ITPR2: variants seen among roughly 807,000 people sequenced by gnomAD.
ITPR2 encodes the protein inositol 1,4,5-trisphosphate receptor type 2.
ITPR2 carries 207 observed loss-of-function variants against 317.1 expected under a neutral mutation model. The observed-to-expected ratio is 0.65, with a 90% confidence interval of 0.58 to 0.73. The LOEUF is 0.73. ITPR2 is among the 30% of genes least tolerant of loss of function. ITPR2 has a pLI of 0.00. For synonymous variants in ITPR2, 1,156 were observed against 1,149.1 expected (o/e 1.01, Z -0.12); for missense variants, 2,613 against 3,284.0 (o/e 0.80, Z 4.99).
rs758916694 is a variant in ITPR2, at chr12:26,653,473, C to G, written c.2740+503G>C. The stretch of plus-strand genomic sequence containing the variant: ...GCCAGGATGGTCTCGATCTCCTGAC[C>G]TCATGATCTGCCCACCTTGGCCTCC... On this transcript the variant is annotated intron_variant, in intron 21 of 56. Transcript: ENST00000381340. 5.3e-5 allele frequency among the ~76,000 whole-genome samples: 8 copies of G among 152,234 alleles called. No homozygotes were observed. The South Asian group carries it at 1.7e-3, about 32-fold the overall frequency.
At chr12:26,784,734 C>T (rs1019801735) in intron 2 of ITPR2, among the ~76,000 whole-genome samples, 20 of 151,214 alleles carry the variant, frequency 1.3e-4, no homozygotes, top group African/African-American at 4.9e-4. Flanking sequence ...CCCCAAAGTG[C>T]CGAGATTGCA....
rs901675989 is a variant in ITPR2, at chr12:26,335,731, C to A, written c.*3666G>T. On this transcript the variant is annotated 3_prime_UTR_variant, in exon 57 of 57. Transcript: ENST00000381340. ...TTTTCTAAAAACCGGAATTAGCTGT[C>A]AAATTTTGAGAATACAGAGCTTCCC... The A allele has an allele frequency of 6.6e-6, 1 of 152,204 alleles. No homozygotes were observed. The highest frequency in any genetic ancestry group is 1.5e-5 in the Non-Finnish European group (1 of 68,048). 9.4% of individuals were successfully genotyped at this position (152,204 alleles called of 1,614,324 possible). A position where few individuals can be genotyped will look rare whatever the true frequency, so the allele number is the denominator to read the frequency against.
chr12:26,522,478 C>T (rs1289323946), intron 37 of ITPR2, among the ~76,000 whole-genome samples: 1 of 152,110 alleles, frequency 6.6e-6, no homozygotes, highest in Admixed American at 6.5e-5. Flanking sequence ...GTTTGGGGAC[C>T]ATTATTACAG....
intron 23 of ITPR2, among the ~76,000 whole-genome samples, chr12:26,625,197 G>A (rs1341203801): frequency 6.6e-6 from 1 of 152,072 alleles, no homozygotes; most frequent in Non-Finnish European, 1.5e-5. Flanking sequence ...GCTGGGAAAG[G>A]TAGTGGGGTG....
intron 55 of ITPR2, among the ~76,000 whole-genome samples, chr12:26,384,178 G>A (rs1042644396): frequency 1.3e-5 from 2 of 152,334 alleles, no homozygotes; most frequent in Admixed American, 1.3e-4. Context: ...CTGTAGATGT[G>A]CTTCAACTTT....
At chr12:26,368,694 T>A (rs924698468) in intron 55 of ITPR2, among the ~76,000 whole-genome samples, 2 of 152,232 alleles carry the variant, frequency 1.3e-5, no homozygotes, top group Non-Finnish European at 2.9e-5. Flanking sequence ...CATTACTTAT[T>A]TCTTGTTCAT....
intron 14 of ITPR2, among the ~76,000 whole-genome samples, chr12:26,665,447 A>C: frequency 6.6e-6 from 1 of 152,216 alleles, no homozygotes; most frequent in Non-Finnish European, 1.5e-5. Context: ...ACTACGGGTT[A>C]GATTTATTAA....
chr12:26,765,963 T>G (rs1949712415), intron 2 of ITPR2, among the ~76,000 whole-genome samples: 1 of 152,234 alleles, frequency 6.6e-6, no homozygotes, highest in African/African-American at 2.4e-5. Context: ...TGTTGTAGCA[T>G]GTATCAGTAG....
At chr12:26,482,354 T>C (rs1163118352) in intron 42 of ITPR2, among the ~76,000 whole-genome samples, 1 of 152,240 alleles carries the variant, frequency 6.6e-6, no homozygotes, top group Non-Finnish European at 1.5e-5. Flanking sequence ...AATTAGCTTT[T>C]ACTTTTAGAA....
intron 9 of ITPR2, among the ~76,000 whole-genome samples, chr12:26,709,800 T>C (rs1681585496): frequency 6.6e-6 from 1 of 152,246 alleles, no homozygotes; most frequent in Non-Finnish European, 1.5e-5. Flanking sequence ...CTAATGATTT[T>C]TGCTTCAATG....
intron 21 of ITPR2, among the ~76,000 whole-genome samples, chr12:26,632,578 T>TA (rs1340478447): frequency 5.9e-5 from 9 of 152,210 alleles, no homozygotes; most frequent in Admixed American, 1.3e-4. Flanking sequence ...GGAGGACTGT[T>TA]ACCTTTATTT....
intron 34 of ITPR2, among the ~76,000 whole-genome samples, chr12:26,568,008 A>ATATATATTATATATAT (rs1341809405): frequency 3.6e-4 from 2 of 5,490 alleles, no homozygotes; most frequent in South Asian, 0.02. Context: ...TATATATATT[A>ATATATATTATATATAT]TATATATATA....
At chr12:26,689,847 G>A (rs1948201139) in intron 10 of ITPR2, among the ~76,000 whole-genome samples, 1 of 152,080 alleles carries the variant, frequency 6.6e-6, no homozygotes, top group South Asian at 2.1e-4. Flanking sequence ...GAAGGAGGAG[G>A]TTTAGAAGAG....
chr12:26,745,610 A>G (rs539576773), intron 2 of ITPR2, among the ~76,000 whole-genome samples: 1 of 152,214 alleles, frequency 6.6e-6, no homozygotes, highest in South Asian at 2.1e-4. Context: ...TCACTTACCA[A>G]AGGCATATAA....
At chr12:26,687,749 C>T (rs951475345) in intron 10 of ITPR2, among the ~76,000 whole-genome samples, 8 of 152,130 alleles carry the variant, frequency 5.3e-5, no homozygotes, top group Non-Finnish European at 7.4e-5. Context: ...CGTTCCTAAA[C>T]AGGAGCAGGA....
At chr12:26,684,056 T>G (rs558648289) in intron 11 of ITPR2, among the ~76,000 whole-genome samples, 1 of 152,326 alleles carries the variant, frequency 6.6e-6, no homozygotes, top group African/African-American at 2.4e-5. Context: ...TAAAAGTAGA[T>G]AAAATACAAA....
chr12:26,408,252 T>C (rs1042269896), intron 52 of ITPR2, among the ~76,000 whole-genome samples: 10 of 152,172 alleles, frequency 6.6e-5, no homozygotes, highest in Non-Finnish European at 1.2e-4. Context: ...AATATAACTA[T>C]GTGAAAAAAT....
Position 26,336,658 on chromosome 12 carries a change from C to T in ITPR2, c.*2739G>A, listed in dbSNP as rs935051712. On this transcript the variant is annotated 3_prime_UTR_variant, in exon 57 of 57. Transcript: ENST00000381340. ...GAATGGAGCACAGAGGGAACAAAAC[C>T]CTTTTGAAATTAAAAATATTATTCA... 1 of 151,996 alleles carries T rather than the reference C, an allele frequency of 6.6e-6. No individual in the cohort carries two copies. Among genetic ancestry groups the T allele is most frequent in the Non-Finnish European group, 1.5e-5 (1 of 67,994 alleles). The allele number at this position is 151,996 out of a possible 1,614,324, so 9.4% of individuals were successfully genotyped here.
intron 55 of ITPR2, among the ~76,000 whole-genome samples, chr12:26,360,996 C>G (rs1470772454): frequency 1.3e-5 from 2 of 151,986 alleles, no homozygotes; most frequent in Non-Finnish European, 2.9e-5. Context: ...AGTGGATCAC[C>G]TGAGGTCAGG....
Sources: gnomAD v4.1 joint callset for allele counts (sites outside exome capture counted in the v4.1 genomes callset) on GRCh38, gnomAD v4.1.1 for gene constraint, MANE v1.5 for transcripts, NCBI Gene and HGNC (gene_info 2026-07-23, HGNC 2026-07-21) for gene names.